TTN: variants seen among roughly 807,000 people sequenced by gnomAD.
The protein encoded by TTN is titin.
A neutral mutation model predicts 3,223.0 loss-of-function variants in TTN; 1,525 were observed. The ratio of observed to expected loss-of-function variants is 0.47; its 90% CI spans 0.45 to 0.49. TTN has a LOEUF of 0.49. Among genes scored for constraint, TTN ranks in the 20% least tolerant of loss-of-function variants. The pLI, the probability that TTN is intolerant of heterozygous loss-of-function variation, is 0.00. For missense variants in TTN, 40,786 were observed against 43,424.0 expected, an observed-to-expected ratio of 0.94 and a Z score of 5.40; for synonymous variants, 14,094 against 15,161.0, an observed-to-expected ratio of 0.93 and a Z score of 5.17.
At position 178,591,456 on chromosome 2, in the gene TTN, A is replaced by T; in HGVS notation, c.60269T>A (p.Val20090Glu). 6.3e-7 allele frequency: 1 copy of T among 1,590,026 alleles called. No homozygotes were observed. The highest frequency in any genetic ancestry group is 8.5e-7 in the Non-Finnish European group (1 of 1,171,526). ...GAATCTGACTGTGGTTCCAGCCTTT[A>T]CCACAAGACCTTCAATTAATTTCAC... ...LDVKLIEGLV[V>E]KAGTTVRFPA... The change falls in exon 304 of 363, where the codon GTA becomes GAA. Residue 20090 changes from valine (V) to glutamate (E), a missense_variant. Coordinates refer to ENST00000589042, the MANE Select transcript of TTN (RefSeq NM_001267550.2).
At chr2:178,746,748 G>C in intron 47 of TTN, 8 of 1,613,238 alleles carry the variant, frequency 5.0e-6, no homozygotes, top group Non-Finnish European at 5.9e-6. Flanking sequence ...GATTTATTTC[G>C]ATACCATTTC....
Position 178,548,002 on chromosome 2 carries a change from C to A in TTN, c.93624G>T (p.Glu31208Asp). Residue 31208 changes from glutamate (E) to aspartate (D), a missense_variant, in exon 339 of 363, where the codon GAG (glutamate) becomes GAT (aspartate). Coordinates refer to ENST00000589042, the MANE Select transcript of TTN (RefSeq NM_001267550.2). The surrounding 1 kb of genome is among the most constrained non-coding windows in gnomAD (Gnocchi z 4.3). Reference protein sequence around the residue: ...REAFSSVIIKEPQIEPTADLT... With the variant: ...REAFSSVIIKDPQIEPTADLT... ...GGTCAGCAGTGGGCTCGATTTGAGG[C>A]TCCTTAATGATGACAGAAGAGAAGG... 2 of 1,613,598 alleles carry A rather than the reference C, an allele frequency of 1.2e-6. No homozygotes were observed. Among genetic ancestry groups the A allele is most frequent in the Non-Finnish European group, 1.7e-6 (2 of 1,179,720 alleles).
rs370918800 is a variant in TTN at position 178,546,654 on chromosome 2, C to T, written c.94774G>A (p.Val31592Ile). 5.2e-5 allele frequency: 84 copies of T among 1,613,546 alleles called. No individual in the cohort carries two copies. Among genetic ancestry groups the T allele is most frequent in the African/African-American group, 1.5e-4 (11 of 74,894 alleles). Residue 31592 changes from valine to isoleucine, a missense_variant, in exon 341 of 363, where the codon GTA (valine) becomes ATA (isoleucine). Coordinates refer to ENST00000589042, the MANE Select transcript of TTN (RefSeq NM_001267550.2). ...FRVLAKNAAG[V>I]ISKGSESTGP... ...GTAGATTCAGACCCTTTGCTAATTA[C>T]GCCTGCTGCATTCTTGGCTAACACA... is the stretch of plus-strand genomic sequence containing the variant.
Position 178,554,582 on chromosome 2 carries a change from C to T in TTN, c.88765G>A (p.Glu29589Lys), listed in dbSNP as rs773486662. ...VVWSMVSEHL[E>K]ECIITTTKII... ...TTGGTGGTTGTAATGATGCACTCTT[C>T]CAAATGTTCAGACACCATAGACCAC... The change falls in exon 332 of 363, where the codon GAA (glutamate) becomes AAA (lysine). Residue 29589 changes from glutamate (E) to lysine (K), a missense_variant. By Grantham distance (56) the Glu-to-Lys change is moderately conservative (BLOSUM62 1). Coordinates refer to ENST00000589042, the MANE Select transcript of TTN (RefSeq NM_001267550.2). 3 of 1,613,886 alleles carry T rather than the reference C, an allele frequency of 1.9e-6. No individual in the cohort carries two copies. Among genetic ancestry groups the T allele is most frequent in the African/African-American group, 2.7e-5 (2 of 75,028 alleles).
chr2:178,597,499 T>C lies in TTN; in HGVS notation c.57544+39A>G, dbSNP rs774047635. On this transcript the variant is annotated intron_variant, in intron 294 of 362. Coordinates refer to ENST00000589042, the MANE Select transcript of TTN (RefSeq NM_001267550.2). ...CTTTGTGTAAATATAATAAGAATGT[T>C]GGTTTAAAAAGTTGCACAGACAAAT... 9 of 1,578,256 alleles carry C rather than the reference T, an allele frequency of 5.7e-6. No individual in the cohort carries two copies. In the Admixed American group the frequency reaches 1.7e-4, roughly 29 times the overall value.
chr2:178,584,262 AC>A lies in TTN; in HGVS notation c.65275+13del. 3.3e-6 allele frequency: 5 copies of A among 1,532,986 alleles called. No homozygotes were observed. Among genetic ancestry groups the A allele is most frequent in the Non-Finnish European group, 4.4e-6 (5 of 1,143,564 alleles). The allele number at this position is 1,532,986 out of a possible 1,614,324, so 95.0% of individuals were successfully genotyped here. On this transcript the variant is annotated intron_variant, in intron 311 of 362. Transcript: ENST00000589042. ...CTAAAACAACAACAACAATAAAAAA[AC>A]CCCAAAACTTACCAACTGGCATTCT...
chr2:178,669,838 C>T lies in TTN; in HGVS notation c.35387-163G>A, dbSNP rs570704302. Among the ~76,000 whole-genome samples, 29 of 152,052 alleles carry T rather than the reference C, an allele frequency of 1.9e-4. No individual in the cohort carries two copies. In the South Asian group the frequency reaches 4.8e-3, roughly 25 times the overall value. On this transcript the variant is annotated intron_variant, in intron 157 of 362. Coordinates refer to ENST00000589042, the MANE Select transcript of TTN (RefSeq NM_001267550.2). ...ATTGCATTTCTCTGAATTGCTTTGT[C>T]GATGAGTTCTTGATTCATTATATCA... is the stretch of plus-strand genomic sequence containing the variant.
chr2:178,764,270 G>A lies in TTN; in HGVS notation c.10021C>T (p.Pro3341Ser). ...GTGATGATGGCAGGTGGATAAACAGGCATTTCCTGATCAGGAGACACAACT... is the reference window on the plus strand; with the variant it reads ...GTGATGATGGCAGGTGGATAAACAGACATTTCCTGATCAGGAGACACAACT... ...PEVVSPDQEM[P>S]VYPPAIITPL... Residue 3341 changes from proline (P) to serine (S), a missense_variant, in exon 43 of 363, where the codon CCT (proline) becomes TCT (serine). By Grantham distance (74) the Pro-to-Ser change is moderately conservative. Coordinates refer to ENST00000589042, the MANE Select transcript of TTN (RefSeq NM_001267550.2). The A allele has an allele frequency of 6.2e-7, 1 of 1,614,036 alleles. No individual in the cohort carries two copies. Among genetic ancestry groups the A allele is most frequent in the Non-Finnish European group, 8.5e-7 (1 of 1,179,978 alleles).
At position 178,562,178 on chromosome 2, in the gene TTN, G is replaced by T; in HGVS notation, c.83954C>A (p.Pro27985Gln). The T allele has an allele frequency of 6.2e-7, 1 of 1,612,968 alleles. No homozygotes were observed. Among genetic ancestry groups the T allele is most frequent in the Non-Finnish European group, 8.5e-7 (1 of 1,179,492 alleles). The change falls in exon 326 of 363, where the codon CCA becomes CAA. Residue 27985 changes from proline to glutamine, a missense_variant. Physicochemically the swap from Pro to Gln is moderately conservative, Grantham distance 76 (BLOSUM62 -1). Coordinates refer to ENST00000589042, the MANE Select transcript of TTN (RefSeq NM_001267550.2). ...KAREQLKIDV[P>Q]FKGRPQATVN... Reference sequence around the variant, plus strand: ...AGTAGCTTGAGGTCTTCCTTTGAATGGCACATCAATCTTAAGTTGTTCTCT... The same window carrying T: ...AGTAGCTTGAGGTCTTCCTTTGAATTGCACATCAATCTTAAGTTGTTCTCT...
At position 178,686,113 on chromosome 2, in the gene TTN, A is replaced by ATTTTTTTTTTTTTTT. The variant is rs765570520; in HGVS notation, c.32312-530_32312-516dup. Among the ~76,000 whole-genome samples the ATTTTTTTTTTTTTTT allele has an allele frequency of 1.4e-3, 111 of 77,792 alleles. 9 individuals are homozygous for ATTTTTTTTTTTTTTT. The highest frequency in any genetic ancestry group is 6.3e-3 in the African/African-American group (95 of 15,078). 51.0% of individuals were successfully genotyped at this position (77,792 alleles called of 152,430 possible). On this transcript the variant is annotated intron_variant, in intron 127 of 362. Transcript: ENST00000589042. ...TTGAGCCTAAGTGTATACAGTTTTA[A>ATTTTTTTTTTTTTTT]TTTTTTTTTTTTTTTTTTTTTTTTT...
Position 178,723,425 on chromosome 2 carries a change from A to C in TTN, c.21675T>G (p.Phe7225Leu). ...GAATCCACTTGAGCAAACCTTTCAC[A>C]AAGAGACGGGTAGTGCAAGATGCTT... ...AGQASCTTRL[F>L]VKEPAAFLKR... The change falls in exon 74 of 363, where the codon TTT becomes TTG. Residue 7225 changes from phenylalanine (F) to leucine (L), a missense_variant. Transcript: ENST00000589042. 6.2e-7 allele frequency: 1 copy of C among 1,610,632 alleles called. No individual in the cohort carries two copies. Among genetic ancestry groups the C allele is most frequent in the Non-Finnish European group, 8.5e-7 (1 of 1,178,048 alleles).
rs2154334941 is a variant in TTN, at chr2:178,756,523, A to G, written c.10953T>C (p.Cys3651=). ...IAESTELSKE[C]AKESTGEAPK... ...GCGCCTCACCCGTGGACTCTTTAGC[A>G]CATTCCTTAGATAGCTCAGTGCTTT... The change falls in exon 46 of 363, where the codon TGT becomes TGC. Residue 3651 remains cysteine (C), a synonymous_variant. Transcript: ENST00000589042. 6.2e-7 allele frequency: 1 copy of G among 1,613,564 alleles called. No homozygotes were observed.
Position 178,792,183 on chromosome 2 carries a change from A to T in TTN, c.1551T>A (p.Thr517=). 1.2e-6 allele frequency: 2 copies of T among 1,607,214 alleles called. No individual in the cohort carries two copies. The highest frequency in any genetic ancestry group is 1.1e-5 in the South Asian group (1 of 88,882). ...CTACCTTTGGTACAAATGTTTTTTC[A>T]GTTTCTTTTCTTATCTGCAAAGAAT... ...HVTHEQIRKE[T]EKTFVPKVVI... The change falls in exon 10 of 363, where the codon ACT becomes ACA. Residue 517 remains threonine, a synonymous_variant. Transcript: ENST00000589042.
chr2:178,686,310 C>T (rs1373593962), intron 127 of TTN, among the ~76,000 whole-genome samples: 3 of 149,978 alleles, frequency 2.0e-5, no homozygotes, highest in Non-Finnish European at 3.0e-5. Flanking sequence ...TTAGTAGAGA[C>T]GGGGTTTCAC....
Position 178,543,036 on chromosome 2 carries a change from C to CT in TTN, c.96904+32dup, listed in dbSNP as rs58609542. ...TTCTGAATGTTTTCATTTTACTTTACTTTTTTTTTTTTTTTGGCTATTTGG... is the reference window on the plus strand; with the variant it reads ...TTCTGAATGTTTTCATTTTACTTTACTTTTTTTTTTTTTTTTGGCTATTTGG... On this transcript the variant is annotated intron_variant, in intron 347 of 362. Transcript: ENST00000589042. 0.19 allele frequency: 225,013 copies of CT among 1,216,146 alleles called. 24 individuals are homozygous for CT. The highest frequency in any genetic ancestry group is 0.2 in the Non-Finnish European group (180,356 of 907,628). The allele number at this position is 1,216,146 out of a possible 1,614,324, so 75.3% of individuals were successfully genotyped here.
intron 47 of TTN, chr2:178,751,698 T>A: frequency 6.2e-7 from 1 of 1,613,338 alleles, no homozygotes; most frequent in Non-Finnish European, 8.5e-7. Flanking sequence ...TGGACCCTTT[T>A]AATCTCTAAG....
chr2:178,777,346 G>T (rs374629963), intron 26 of TTN, 29 bp from the exon 27 acceptor site: 3 of 1,613,290 alleles, frequency 1.9e-6, no homozygotes, highest in East Asian at 2.2e-5. Flanking sequence ...GATTTAGAGG[G>T]AGTAAGGCTG....
At chr2:178,787,385 A>G (rs1272796070) in intron 13 of TTN, among the ~76,000 whole-genome samples, 1 of 152,128 alleles carries the variant, frequency 6.6e-6, no homozygotes, top group Non-Finnish European at 1.5e-5. Flanking sequence ...TAAAATACAC[A>G]TGAGGCTTAG....
chr2:178,698,492 T>C (rs1392932724), intron 112 of TTN, among the ~76,000 whole-genome samples: 3 of 151,712 alleles, frequency 2.0e-5, no homozygotes, highest in Non-Finnish European at 4.4e-5. Context: ...ACCCCATAAA[T>C]ATATACACAA....
Sources: gnomAD v4.1 joint callset for allele counts (sites outside exome capture counted in the v4.1 genomes callset) on GRCh38, gnomAD v4.1.1 for gene constraint, Gnocchi (gnomAD v3.1) non-coding constraint, MANE v1.5 for transcripts, NCBI Gene and HGNC (gene_info 2026-07-23, HGNC 2026-07-21) for gene names.